VPS13B: variants seen among roughly 807,000 people sequenced by gnomAD.
VPS13B encodes intermembrane lipid transfer protein VPS13B.
Under a neutral mutation model 426.4 loss-of-function variants are expected in VPS13B, and 285 were observed. That is an observed-to-expected ratio of 0.67 (90% CI 0.61 to 0.74). The LOEUF (loss-of-function observed/expected upper bound fraction) is 0.74, where lower values mean the gene tolerates loss of function less well. Among genes scored for constraint, VPS13B ranks in the 30% least tolerant of loss-of-function variants. VPS13B has a pLI of 0.00. For synonymous variants in VPS13B, 1,676 were observed against 1,676.4 expected (o/e 1.00, Z 0.01); for missense variants, 4,537 against 4,782.6 (o/e 0.95, Z 1.51).
chr8:99,249,607 T>A (rs1817399743), intron 17 of VPS13B, among the ~76,000 whole-genome samples: 1 of 152,002 alleles, frequency 6.6e-6, no homozygotes, highest in Middle Eastern at 3.4e-3. Flanking sequence ...GCACTTTTAG[T>A]AGAGACGGGG....
chr8:99,732,609 T>C (rs966063236), intron 39 of VPS13B, among the ~76,000 whole-genome samples: 6 of 152,234 alleles, frequency 3.9e-5, no homozygotes, highest in African/African-American at 1.4e-4. Flanking sequence ...CAAGGAACTG[T>C]CCACAGTCTC....
intron 17 of VPS13B, among the ~76,000 whole-genome samples, chr8:99,257,426 G>A (rs1240849279): frequency 6.6e-6 from 1 of 152,122 alleles, no homozygotes; most frequent in African/African-American, 2.4e-5. Context: ...ATTAGTGAGA[G>A]TGCCTTGTGG....
At chr8:99,090,856 A>G (rs1363406057) in intron 3 of VPS13B, among the ~76,000 whole-genome samples, 3 of 152,090 alleles carry the variant, frequency 2.0e-5, no homozygotes, top group Non-Finnish European at 4.4e-5. Flanking sequence ...TTCTGTATTT[A>G]CTTTTTTTTT....
At chr8:99,711,514 T>C (rs1210504406) in intron 36 of VPS13B, among the ~76,000 whole-genome samples, 1 of 151,988 alleles carries the variant, frequency 6.6e-6, no homozygotes, top group Admixed American at 6.6e-5. Flanking sequence ...AAATAAAAAC[T>C]GTAGAATGAC....
intron 23 of VPS13B, 119 bp from the exon 24 acceptor site, chr8:99,467,295 C>A: frequency 1.9e-6 from 2 of 1,063,416 alleles, no homozygotes; most frequent in Non-Finnish European, 1.4e-6. Context: ...ATACTATATT[C>A]ACTTTTTATG....
chr8:99,238,663 TTAA>T (rs1239200297), intron 17 of VPS13B, among the ~76,000 whole-genome samples: 1 of 152,178 alleles, frequency 6.6e-6, no homozygotes, highest in African/African-American at 2.4e-5. Flanking sequence ...CTTATTTTAA[TTAA>T]TAATAAAGCT....
chr8:99,049,086 AT>A (rs1396685185), intron 3 of VPS13B, among the ~76,000 whole-genome samples: 1 of 152,052 alleles, frequency 6.6e-6, no homozygotes, highest in Non-Finnish European at 1.5e-5. Flanking sequence ...AAGGCAGCTG[AT>A]GGTTGGTGAA....
At chr8:99,396,556 G>A (rs1814735333) in intron 21 of VPS13B, among the ~76,000 whole-genome samples, 2 of 151,862 alleles carry the variant, frequency 1.3e-5, no homozygotes, top group Non-Finnish European at 2.9e-5. Flanking sequence ...TGCAAATCAG[G>A]TCTGTGCAAA....
At chr8:99,355,741 C>T (rs1312737651) in intron 19 of VPS13B, among the ~76,000 whole-genome samples, 3 of 152,168 alleles carry the variant, frequency 2.0e-5, no homozygotes, top group Non-Finnish European at 4.4e-5. Flanking sequence ...CTGTTTTGTA[C>T]TTGACTGGTC....
In VPS13B at chr8:99,192,952, C is replaced by T. The variant is rs869312923; in HGVS notation, c.2410C>T (p.Gln804Ter). ...PNLTIQATRA[Q>*]TLLLQAIYQS... is the part of the protein sequence containing the mutation. ...TCTCACAATTCAAGCTACAAGAGCA[C>T]AGACACTTCTCTTGCAAGCAATATA... The change falls in exon 17 of 62, where the codon CAG (glutamine) becomes TAG (stop). Residue 804 changes from glutamine (Q) to a stop codon, truncating the protein, a stop_gained. Coordinates refer to ENST00000357162, the MANE Select transcript of VPS13B (RefSeq NM_152564.5). LOFTEE classifies it high-confidence loss of function. 1 of 1,613,624 alleles carries T rather than the reference C, an allele frequency of 6.2e-7. No homozygotes were observed. The highest frequency in any genetic ancestry group is 8.5e-7 in the Non-Finnish European group (1 of 1,179,754).
chr8:99,101,799 G>T (rs1475675243), intron 4 of VPS13B, among the ~76,000 whole-genome samples: 2 of 152,156 alleles, frequency 1.3e-5, no homozygotes, highest in Non-Finnish European at 2.9e-5. Context: ...CTTTAGTGTA[G>T]GTGTTAACAA....
intron 29 of VPS13B, among the ~76,000 whole-genome samples, chr8:99,514,153 G>A (rs951735311): frequency 1.3e-5 from 2 of 152,098 alleles, no homozygotes; most frequent in South Asian, 2.1e-4. Context: ...GTCAGTGTTC[G>A]TCATAGCCCT....
intron 19 of VPS13B, among the ~76,000 whole-genome samples, chr8:99,328,956 T>C (rs1436476209): frequency 6.6e-6 from 1 of 152,194 alleles, no homozygotes; most frequent in Non-Finnish European, 1.5e-5. Context: ...CTGTTTGTTT[T>C]ACCTCTCCTC....
intron 43 of VPS13B, among the ~76,000 whole-genome samples, chr8:99,808,397 T>C (rs1306279195): frequency 1.3e-5 from 2 of 150,700 alleles, no homozygotes; most frequent in Non-Finnish European, 2.9e-5. Context: ...ACACCTGTAG[T>C]CCCAGCTACT....
chr8:99,579,033 T>C (rs533030205), intron 33 of VPS13B, among the ~76,000 whole-genome samples: 2 of 152,282 alleles, frequency 1.3e-5, no homozygotes, highest in South Asian at 4.1e-4. Context: ...ATGTGTTTCT[T>C]CTTAGAGATC....
intron 17 of VPS13B, among the ~76,000 whole-genome samples, chr8:99,222,738 A>G (rs1220319705): frequency 1.3e-5 from 2 of 152,212 alleles, no homozygotes; most frequent in African/African-American, 2.4e-5. Context: ...CAATTTTTTC[A>G]TGAGGCAAAT....
At chr8:99,016,481 A>G (rs1466789179) in intron 2 of VPS13B, among the ~76,000 whole-genome samples, 1 of 112,496 alleles carries the variant, frequency 8.9e-6, no homozygotes, top group Non-Finnish European at 1.9e-5. Flanking sequence ...TTATGTTTTT[A>G]TATTCTTATT....
chr8:99,169,931 A>G (rs1812229707), intron 15 of VPS13B, 108 bp from the exon 16 acceptor site: 4 of 1,306,256 alleles, frequency 3.1e-6, no homozygotes, highest in Middle Eastern at 2.1e-4. Context: ...ACTTTGGAAC[A>G]TATTTAGTGT....
At chr8:99,813,163 G>A (rs912315621) in intron 44 of VPS13B, among the ~76,000 whole-genome samples, 19 of 152,128 alleles carry the variant, frequency 1.2e-4, no homozygotes, top group African/African-American at 4.3e-4. Context: ...GACCATTTTT[G>A]GATTTTCTTT....
Sources: allele counts gnomAD v4.1 joint callset (sites outside exome capture counted in the v4.1 genomes callset), GRCh38; gene constraint gnomAD v4.1.1; transcripts MANE v1.5; gene names NCBI Gene and HGNC (gene_info 2026-07-23, HGNC 2026-07-21).